DLGAP2: variants seen among roughly 807,000 people sequenced by gnomAD.
DLGAP2 encodes disks large-associated protein 2.
Under a neutral mutation model 100.3 loss-of-function variants are expected in DLGAP2, and 26 were observed. That is an observed-to-expected ratio of 0.26 (90% CI 0.19 to 0.36). DLGAP2 has a LOEUF of 0.36. Ranked by LOEUF, DLGAP2 falls within the 10% of genes least tolerant of loss-of-function variation. The probability of loss-of-function intolerance (pLI) is 1.00; values close to 1 mark genes in which losing one functional copy is unlikely to be tolerated. For missense variants in DLGAP2, 1,858 were observed against 1,453.2 expected (o/e 1.28, Z -4.53); for synonymous variants, 886 against 630.1 (o/e 1.41, Z -6.08).
chr8:819,530 G>T (rs1042714426), intron 1 of DLGAP2, among the ~76,000 whole-genome samples: 1 of 152,044 alleles, frequency 6.6e-6, no homozygotes, highest in African/African-American at 2.4e-5. Context: ...AAGATATTGG[G>T]AATCAAGAGA....
At chr8:1,167,052 C>T (rs1181209807) in intron 2 of DLGAP2, among the ~76,000 whole-genome samples, 2 of 152,078 alleles carry the variant, frequency 1.3e-5, no homozygotes, top group African/African-American at 4.8e-5. Flanking sequence ...GGGAGGATCG[C>T]TTGAGCCCGG....
At chr8:1,039,881 G>C (rs1444768716) in intron 2 of DLGAP2, among the ~76,000 whole-genome samples, 4 of 147,406 alleles carry the variant, frequency 2.7e-5, no homozygotes, top group Non-Finnish European at 6.0e-5. Flanking sequence ...ATTGTGCATG[G>C]TCGGCTCGGT....
At chr8:1,438,065 A>G (rs1797702885) in intron 3 of DLGAP2, among the ~76,000 whole-genome samples, 1 of 152,122 alleles carries the variant, frequency 6.6e-6, no homozygotes, top group Non-Finnish European at 1.5e-5. Flanking sequence ...GGATTTCTCG[A>G]GTTGTGGGCT....
At chr8:1,556,330 T>C (rs992166191) in intron 5 of DLGAP2, among the ~76,000 whole-genome samples, 12 of 151,840 alleles carry the variant, frequency 7.9e-5, no homozygotes, top group Admixed American at 2.0e-4. Flanking sequence ...GGAGTCCTGC[T>C]CTGTCCTCTC....
At chr8:1,627,368 G>A (rs1167742720) in intron 7 of DLGAP2, among the ~76,000 whole-genome samples, 2 of 152,198 alleles carry the variant, frequency 1.3e-5, no homozygotes, top group African/African-American at 4.8e-5. Context: ...GACAGGCACA[G>A]TGGCCAGGAG....
At chr8:1,008,461 C>G (rs774494432) in intron 2 of DLGAP2, among the ~76,000 whole-genome samples, 15 of 152,156 alleles carry the variant, frequency 9.9e-5, no homozygotes, top group Non-Finnish European at 2.2e-4. Context: ...TAATTGTGTT[C>G]TTGGAAAGGA....
At chr8:1,584,005 C>T (rs1462157672) in intron 6 of DLGAP2, among the ~76,000 whole-genome samples, 3 of 152,080 alleles carry the variant, frequency 2.0e-5, no homozygotes, top group African/African-American at 7.2e-5. Context: ...AGTTACGTCC[C>T]CTGCAGCATA....
intron 11 of DLGAP2, among the ~76,000 whole-genome samples, chr8:1,677,301 T>C (rs1344884002): frequency 2.6e-5 from 4 of 152,138 alleles, no homozygotes; most frequent in African/African-American, 9.7e-5. Flanking sequence ...TTCCCCAGTT[T>C]CCAAGAGACC....
At chr8:960,490 C>A (rs1301217845) in intron 2 of DLGAP2, among the ~76,000 whole-genome samples, 1 of 152,016 alleles carries the variant, frequency 6.6e-6, no homozygotes, top group Admixed American at 6.6e-5. Context: ...CTGCCTTGGC[C>A]TCCCAAAGTG....
At chr8:851,651 C>T (rs1448004060) in intron 1 of DLGAP2, among the ~76,000 whole-genome samples, 3 of 152,182 alleles carry the variant, frequency 2.0e-5, no homozygotes, top group Non-Finnish European at 2.9e-5. Flanking sequence ...TTTATTTATC[C>T]AGCTGCCGAA....
At chr8:1,639,454 G>A (rs36086809) in intron 8 of DLGAP2, among the ~76,000 whole-genome samples, 39,841 of 152,056 alleles carry the variant, frequency 0.26, 6,303 homozygotes, top group African/African-American at 0.45. Context: ...GAGCAGCAGG[G>A]GTCCTGTGCC....
intron 2 of DLGAP2, among the ~76,000 whole-genome samples, chr8:1,184,823 C>T (rs1797464970): frequency 6.6e-6 from 1 of 152,168 alleles, no homozygotes; most frequent in Non-Finnish European, 1.5e-5. Context: ...GTGCTCTGCG[C>T]ACGTTGCACG....
chr8:1,149,768 C>G (rs972938141), intron 2 of DLGAP2, among the ~76,000 whole-genome samples: 3 of 152,050 alleles, frequency 2.0e-5, no homozygotes, highest in East Asian at 3.9e-4. Context: ...TTGTATTGAC[C>G]TAGATTTATC....
intron 2 of DLGAP2, among the ~76,000 whole-genome samples, chr8:1,033,300 T>C (rs1741930515): frequency 6.6e-6 from 1 of 152,174 alleles, no homozygotes; most frequent in African/African-American, 2.4e-5. Flanking sequence ...AACTTGCTTC[T>C]CTTAGAAAAC....
At chr8:752,762 C>T (rs1820824180) in intron 1 of DLGAP2, among the ~76,000 whole-genome samples, 1 of 152,104 alleles carries the variant, frequency 6.6e-6, no homozygotes, top group African/African-American at 2.4e-5. Context: ...TGACGGGATG[C>T]TGTGCCTTCA....
intron 6 of DLGAP2, among the ~76,000 whole-genome samples, chr8:1,596,434 T>C (rs1563246187): frequency 1.3e-5 from 2 of 152,228 alleles, no homozygotes; most frequent in South Asian, 2.1e-4. Flanking sequence ...TCTAGATCCT[T>C]GAGGAATCAC....
intron 4 of DLGAP2, among the ~76,000 whole-genome samples, chr8:1,520,501 A>G (rs1800556516): frequency 1.3e-5 from 2 of 152,082 alleles, no homozygotes; most frequent in African/African-American, 2.4e-5. Context: ...GTGGGTTTGG[A>G]CGAGTGTTTA....
At chr8:1,367,429 C>T (rs905280866) in intron 3 of DLGAP2, among the ~76,000 whole-genome samples, 7 of 152,214 alleles carry the variant, frequency 4.6e-5, no homozygotes, top group East Asian at 1.9e-4. Context: ...TTAGCACACA[C>T]TAATGGGCGT....
At chr8:1,353,089 C>T (rs905298149) in intron 3 of DLGAP2, among the ~76,000 whole-genome samples, 1 of 152,010 alleles carries the variant, frequency 6.6e-6, no homozygotes, top group Non-Finnish European at 1.5e-5. Flanking sequence ...GACGAAGGAC[C>T]CCCCCGAGGT....
Sources: gnomAD v4.1 joint callset for allele counts (sites outside exome capture counted in the v4.1 genomes callset) on GRCh38, gnomAD v4.1.1 for gene constraint, MANE v1.5 for transcripts, NCBI Gene and HGNC (gene_info 2026-07-23, HGNC 2026-07-21) for gene names.